Variants in GMDS observed in about 807,000 individuals in gnomAD.
GMDS encodes GDP-mannose 4,6-dehydratase.
GMDS carries 20 observed loss-of-function variants against 49.9 expected under a neutral mutation model. The ratio of observed to expected loss-of-function variants is 0.40; its 90% confidence interval spans 0.28 to 0.58. The LOEUF is 0.58. GMDS is among the 20% of genes least tolerant of loss of function. The probability of loss-of-function intolerance (pLI) is 0.42; values close to 1 mark genes in which losing one functional copy is unlikely to be tolerated. For synonymous variants in GMDS, 177 were observed against 178.6 expected, an observed-to-expected ratio of 0.99 and a Z score of 0.07; for missense variants, 362 against 481.4, an observed-to-expected ratio of 0.75 and a Z score of 2.32.
chr6:1,764,636 A>C (rs1163437951), intron 7 of GMDS, among the ~76,000 whole-genome samples: 3 of 152,302 alleles, frequency 2.0e-5, no homozygotes, highest in East Asian at 3.9e-4. Flanking sequence ...AGAGATCATC[A>C]CCGCTCCGTA....
intron 9 of GMDS, among the ~76,000 whole-genome samples, chr6:1,692,959 C>T (rs1765225497): frequency 6.6e-6 from 1 of 152,172 alleles, no homozygotes; most frequent in African/African-American, 2.4e-5. Context: ...TGAAATTTAT[C>T]TTCTGGGGCA....
At chr6:2,239,779 G>A (rs1182451858) in intron 1 of GMDS, among the ~76,000 whole-genome samples, 10 of 151,558 alleles carry the variant, frequency 6.6e-5, no homozygotes, top group African/African-American at 9.7e-5. Flanking sequence ...TCTGCCTCCC[G>A]GGTTCACCCC....
chr6:2,006,152 T>C (rs962842252), intron 4 of GMDS, among the ~76,000 whole-genome samples: 2 of 151,958 alleles, frequency 1.3e-5, no homozygotes, highest in Admixed American at 1.3e-4. Context: ...CCAGGCACGG[T>C]GGTTCACGCC....
At chr6:1,989,867 T>G (rs1339120680) in intron 4 of GMDS, among the ~76,000 whole-genome samples, 1 of 152,264 alleles carries the variant, frequency 6.6e-6, no homozygotes, top group Admixed American at 6.5e-5. Flanking sequence ...CCAGCTCTAC[T>G]TTTTAGCAGG....
intron 4 of GMDS, among the ~76,000 whole-genome samples, chr6:2,066,789 A>G (rs1283031930): frequency 6.6e-6 from 1 of 151,996 alleles, no homozygotes; most frequent in African/African-American, 2.4e-5. Context: ...CTACAAAGAG[A>G]CTTAGACTCC....
chr6:1,846,696 G>A (rs1287831978), intron 7 of GMDS, among the ~76,000 whole-genome samples: 1 of 152,152 alleles, frequency 6.6e-6, no homozygotes, highest in Admixed American at 6.5e-5. Context: ...AAAGACAAGG[G>A]CTAGGCAAAG....
chr6:2,065,983 G>A lies in GMDS; in HGVS notation c.345+49788C>T, dbSNP rs201446464. Reference sequence around the variant, plus strand: ...ACACATAATTGTCAGATTCACCAAAGTTGAAATGAAGGAAAAAATGTTAAG... The same window carrying A: ...ACACATAATTGTCAGATTCACCAAAATTGAAATGAAGGAAAAAATGTTAAG... On this transcript the variant is annotated intron_variant, in intron 4 of 10. Coordinates refer to ENST00000380815, the MANE Select transcript of GMDS (RefSeq NM_001500.4). Among the ~76,000 whole-genome samples, 5 of 152,264 alleles carry A rather than the reference G, an allele frequency of 3.3e-5. No homozygotes were observed. The East Asian group carries it at 9.7e-4, about 29-fold the overall frequency.
intron 9 of GMDS, among the ~76,000 whole-genome samples, chr6:1,643,941 C>A (rs1201791513): frequency 6.6e-6 from 1 of 152,182 alleles, no homozygotes; most frequent in African/African-American, 2.4e-5. Context: ...TGGGCCCTCT[C>A]TAGAGGCCAA....
At chr6:1,633,752 A>C (rs567239886) in intron 9 of GMDS, among the ~76,000 whole-genome samples, 1 of 152,160 alleles carries the variant, frequency 6.6e-6, no homozygotes, top group African/African-American at 2.4e-5. Context: ...AGAGGAGCCC[A>C]TGACCACGAG....
chr6:1,926,284 G>A (rs1348248788), intron 7 of GMDS, among the ~76,000 whole-genome samples: 1 of 152,162 alleles, frequency 6.6e-6, no homozygotes, highest in Non-Finnish European at 1.5e-5. Flanking sequence ...TGGCTAAACT[G>A]AAAGAGCACC....
At chr6:1,743,319 C>T (rs566228076) in intron 7 of GMDS, among the ~76,000 whole-genome samples, 9 of 152,132 alleles carry the variant, frequency 5.9e-5, no homozygotes, top group African/African-American at 1.7e-4. Flanking sequence ...TTTGGGAGGC[C>T]GAGGCGGGTG....
intron 9 of GMDS, among the ~76,000 whole-genome samples, chr6:1,655,465 T>G (rs1763842933): frequency 1.3e-5 from 2 of 149,194 alleles, no homozygotes; most frequent in African/African-American, 4.9e-5. Flanking sequence ...TTTCCTTACG[T>G]TTGAAAGCCT....
chr6:2,146,252 T>C (rs1776553880), intron 1 of GMDS, among the ~76,000 whole-genome samples: 1 of 152,206 alleles, frequency 6.6e-6, no homozygotes, highest in Non-Finnish European at 1.5e-5. Context: ...CAGTCATTTA[T>C]TTTCCAATGT....
At chr6:1,967,035 C>T (rs565795483) in intron 4 of GMDS, among the ~76,000 whole-genome samples, 49 of 152,256 alleles carry the variant, frequency 3.2e-4, no homozygotes, top group Non-Finnish European at 5.4e-4. Flanking sequence ...GCAGCCTCTC[C>T]GGCCACCCTG....
intron 1 of GMDS, among the ~76,000 whole-genome samples, chr6:2,237,431 CCTTA>C (rs1445927034): frequency 6.6e-6 from 1 of 151,898 alleles, no homozygotes. Context: ...CAACTGAGCA[CCTTA>C]CTTCTGGAAG....
At chr6:2,118,935 G>A (rs1471574264) in intron 2 of GMDS, among the ~76,000 whole-genome samples, 1 of 152,058 alleles carries the variant, frequency 6.6e-6, no homozygotes, top group African/African-American at 2.4e-5. Context: ...CTACTTAATT[G>A]TAAAGTTGAA....
intron 7 of GMDS, among the ~76,000 whole-genome samples, chr6:1,856,629 C>T (rs541767032): frequency 5.3e-5 from 8 of 152,328 alleles, no homozygotes; most frequent in Middle Eastern, 3.4e-3. Context: ...GAAGCTGTAG[C>T]GGATCTGGAC....
At chr6:2,127,100 T>C (rs967634011) in intron 1 of GMDS, among the ~76,000 whole-genome samples, 1 of 152,236 alleles carries the variant, frequency 6.6e-6, no homozygotes, top group Non-Finnish European at 1.5e-5. Flanking sequence ...CTGACCATTA[T>C]CTAAGTTAGA....
intron 7 of GMDS, among the ~76,000 whole-genome samples, chr6:1,821,169 T>C (rs1419758256): frequency 2.6e-5 from 4 of 152,212 alleles, no homozygotes; most frequent in African/African-American, 9.7e-5. Context: ...GAAACATCCT[T>C]TTCCATTGCT....
Sources: allele counts gnomAD v4.1 joint callset (sites outside exome capture counted in the v4.1 genomes callset), GRCh38; gene constraint gnomAD v4.1.1; transcripts MANE v1.5; gene names NCBI Gene and HGNC (gene_info 2026-07-23, HGNC 2026-07-21).